The following RAPGEF2 variants were observed in gnomAD, a reference collection of about 807,000 sequenced individuals.
RAPGEF2 encodes the protein Rap guanine nucleotide exchange factor 2, also known as PDZ domain containing guanine nucleotide exchange factor (GEF) 1.
In RAPGEF2, 54 loss-of-function variants were observed where a neutral mutation model predicts 186.7. The ratio of observed to expected loss-of-function variants is 0.29; its 90% CI spans 0.23 to 0.36. RAPGEF2 has a LOEUF of 0.36. Ranked by LOEUF, RAPGEF2 falls within the 10% of genes least tolerant of loss-of-function variation. The pLI, the probability that RAPGEF2 is intolerant of heterozygous loss-of-function variation, is 1.00. For missense variants in RAPGEF2, 1,532 were observed against 2,045.0 expected, an observed-to-expected ratio of 0.75 and a Z score of 4.84; for synonymous variants, 712 against 705.9, an observed-to-expected ratio of 1.01 and a Z score of -0.14.
intron 3 of RAPGEF2, among the ~76,000 whole-genome samples, chr4:159,204,618 C>G (rs542735760): frequency 5.3e-5 from 8 of 152,150 alleles, no homozygotes; most frequent in Admixed American, 5.2e-4. Flanking sequence ...TGTTTGGCCT[C>G]GTTAATTTCC....
chr4:159,354,942 T>C (rs1343093930), intron 28 of RAPGEF2, among the ~76,000 whole-genome samples: 2 of 152,246 alleles, frequency 1.3e-5, no homozygotes, highest in East Asian at 3.8e-4. Context: ...TGGAGTATAA[T>C]CATTACGGAC....
intron 11 of RAPGEF2, among the ~76,000 whole-genome samples, chr4:159,326,285 C>T (rs1184394920): frequency 6.6e-6 from 1 of 152,142 alleles, no homozygotes; most frequent in African/African-American, 2.4e-5. Flanking sequence ...GTAAAAGAAA[C>T]AGTGAGAACC....
intron 1 of RAPGEF2, among the ~76,000 whole-genome samples, chr4:159,122,038 CAAAAAA>C (rs70962654): frequency 3.9e-5 from 2 of 51,438 alleles, no homozygotes; most frequent in Admixed American, 2.9e-4. Context: ...GACTCCATCT[CAAAAAA>C]AAAAAAAAAA....
In RAPGEF2 at chr4:159,338,441, C is replaced by T. The variant is rs1388676420; in HGVS notation, c.2266C>T (p.Arg756Cys). Residue 756 changes from arginine to cysteine, a missense_variant, in exon 18 of 30, where the codon CGC becomes TGC. By Grantham distance (180) the Arg-to-Cys change is radical. Transcript: ENST00000691494. Reference sequence around the variant, plus strand: ...TCCTGATTTATTGCAGTCACATCATCGCATTTTAGACTTCAGTGCTACTCC... The same window carrying T: ...TCCTGATTTATTGCAGTCACATCATTGCATTTTAGACTTCAGTGCTACTCC... Reference protein sequence around the residue: ...SNPDLLQSHHRILDFSATPDL... With the variant: ...SNPDLLQSHHCILDFSATPDL... 8 of 1,613,816 alleles carry T rather than the reference C, an allele frequency of 5.0e-6. No individual in the cohort carries two copies. The highest frequency in any genetic ancestry group is 4.5e-5 in the East Asian group (2 of 44,882).
At chr4:159,261,821 A>G (rs1043443123) in intron 7 of RAPGEF2, among the ~76,000 whole-genome samples, 1 of 151,724 alleles carries the variant, frequency 6.6e-6, no homozygotes, top group African/African-American at 2.4e-5. Context: ...TTTATAGATA[A>G]CCCCTTCTAC....
intron 7 of RAPGEF2, among the ~76,000 whole-genome samples, chr4:159,273,875 C>T (rs1758506126): frequency 6.6e-6 from 1 of 152,112 alleles, no homozygotes; most frequent in African/African-American, 2.4e-5. Flanking sequence ...TCACTGCTAC[C>T]TCCATCTCCC....
chr4:159,293,623 T>C (rs1397209077), intron 7 of RAPGEF2, among the ~76,000 whole-genome samples: 1 of 152,258 alleles, frequency 6.6e-6, no homozygotes, highest in Admixed American at 6.5e-5. Flanking sequence ...AAAATGATCC[T>C]AGTATTTGTT....
chr4:159,188,924 C>T (rs955355564), intron 2 of RAPGEF2, among the ~76,000 whole-genome samples: 21 of 152,150 alleles, frequency 1.4e-4, no homozygotes, highest in Non-Finnish European at 2.9e-4. Flanking sequence ...GTGTTGAAGT[C>T]ATATTAATGG....
rs112503514 is a variant in RAPGEF2, at chr4:159,249,228, A to AT, written c.543+5448dup. ...CGACTGTTTCATTTCTTATCATGTG[A>AT]TTTTTTTTTTTGTCATGAGATTTTG... On this transcript the variant is annotated intron_variant, in intron 7 of 29. Transcript: ENST00000691494. Among the ~76,000 whole-genome samples, 743 of 137,184 alleles carry AT rather than the reference A, an allele frequency of 5.4e-3. 4 individuals are homozygous for AT. Among genetic ancestry groups the AT allele is most frequent in the African/African-American group, 0.015 (566 of 37,928 alleles). The allele number at this position is 137,184 out of a possible 152,430, so 90.0% of individuals were successfully genotyped here.
chr4:159,260,498 A>G (rs1322352204), intron 7 of RAPGEF2, among the ~76,000 whole-genome samples: 2 of 152,064 alleles, frequency 1.3e-5, no homozygotes, highest in South Asian at 2.1e-4. Flanking sequence ...GGTAACTGCC[A>G]TGTTAGATAA....
intron 1 of RAPGEF2, among the ~76,000 whole-genome samples, chr4:159,174,083 CTTAT>C (rs1459966950): frequency 6.6e-6 from 1 of 152,170 alleles, no homozygotes; most frequent in Non-Finnish European, 1.5e-5. Context: ...TTTCTCTTTT[CTTAT>C]TTGTTAACAA....
At chr4:159,342,898 A>G in intron 20 of RAPGEF2, 81 bp from the exon 21 acceptor site, 1 of 1,218,398 alleles carries the variant, frequency 8.2e-7, no homozygotes, top group Non-Finnish European at 1.2e-6. Context: ...AAGCATAAAC[A>G]TAGAGATGTT....
At chr4:159,231,638 T>C (rs1752656411) in intron 4 of RAPGEF2, among the ~76,000 whole-genome samples, 1 of 152,156 alleles carries the variant, frequency 6.6e-6, no homozygotes, top group Admixed American at 6.5e-5. Flanking sequence ...GTTGTATCCT[T>C]AATCCAAAAA....
intron 7 of RAPGEF2, among the ~76,000 whole-genome samples, chr4:159,275,077 G>A (rs1026188225): frequency 6.6e-6 from 1 of 151,682 alleles, no homozygotes; most frequent in African/African-American, 2.4e-5. Flanking sequence ...GTGTGTGTGT[G>A]TGTGTGTGTG....
At chr4:159,303,078 G>A (rs1762863888) in intron 7 of RAPGEF2, among the ~76,000 whole-genome samples, 1 of 152,034 alleles carries the variant, frequency 6.6e-6, no homozygotes, top group African/African-American at 2.4e-5. Context: ...TGTAAATATT[G>A]TTAAATATAA....
At chr4:159,178,364 A>G (rs1270127130) in intron 1 of RAPGEF2, among the ~76,000 whole-genome samples, 2 of 152,086 alleles carry the variant, frequency 1.3e-5, no homozygotes, top group Admixed American at 6.6e-5. Flanking sequence ...TCATATTACG[A>G]CATACTGTAC....
chr4:159,193,125 G>C (rs6834634), intron 2 of RAPGEF2, 75 bp from the exon 3 acceptor site: 524,045 of 763,520 alleles, frequency 0.69, 184,858 homozygotes, highest in African/African-American at 0.88. Flanking sequence ...GACTGTATGT[G>C]TCATTTAAGG....
chr4:159,267,997 T>TA, intron 7 of RAPGEF2: 1 of 1,428,540 alleles, frequency 7.0e-7, no homozygotes, highest in East Asian at 2.5e-5. Flanking sequence ...GAAGGGTTTT[T>TA]AAGCTTACCA....
intron 7 of RAPGEF2, chr4:159,267,351 A>T: frequency 7.8e-7 from 1 of 1,283,186 alleles, no homozygotes; most frequent in South Asian, 1.2e-5. Context: ...TTGCATTCAG[A>T]CTCATGATTT....
Sources: gnomAD v4.1 joint callset for allele counts (sites outside exome capture counted in the v4.1 genomes callset) on GRCh38, gnomAD v4.1.1 for gene constraint, MANE v1.5 for transcripts, NCBI Gene and HGNC (gene_info 2026-07-23, HGNC 2026-07-21) for gene names.